LRRIQ1: variants seen among roughly 807,000 people sequenced by gnomAD.
LRRIQ1 encodes the protein leucine rich repeats and IQ motif containing 1, also known as leucine-rich repeat- and IQ domain-containing protein 1.
LRRIQ1 carries 210 observed loss-of-function variants against 211.9 expected under a neutral mutation model. That is an observed-to-expected ratio of 0.99 (90% CI 0.89 to 1.11). The LOEUF is 1.11. Ranked by LOEUF, LRRIQ1 falls within the 50% of genes most tolerant of loss-of-function variation. The pLI is 0.00. For missense variants in LRRIQ1, 2,136 were observed against 1,939.5 expected (o/e 1.10, Z -1.90); for synonymous variants, 699 against 650.1 (o/e 1.08, Z -1.14).
At chr12:85,160,994 C>G (rs918685097) in intron 24 of LRRIQ1, among the ~76,000 whole-genome samples, 1 of 151,906 alleles carries the variant, frequency 6.6e-6, no homozygotes, top group African/African-American at 2.4e-5. Flanking sequence ...TCATCAGTGA[C>G]ATTAATGTTA....
At chr12:85,189,101 A>T (rs1340494949) in intron 24 of LRRIQ1, among the ~76,000 whole-genome samples, 1 of 152,096 alleles carries the variant, frequency 6.6e-6, no homozygotes, top group African/African-American at 2.4e-5. Context: ...AAAATCCCAG[A>T]AAAAAACATA....
intron 26 of LRRIQ1, among the ~76,000 whole-genome samples, chr12:85,236,733 G>T (rs1264836191): frequency 1.3e-5 from 2 of 148,154 alleles, no homozygotes; most frequent in Non-Finnish European, 3.0e-5. Flanking sequence ...CATATTTTTG[G>T]ATACATATAT....
chr12:85,243,569 C>T (rs1895569290), intron 26 of LRRIQ1, among the ~76,000 whole-genome samples: 1 of 150,776 alleles, frequency 6.6e-6, no homozygotes, highest in Non-Finnish European at 1.5e-5. Context: ...GTATGTGAGG[C>T]AATACATATG....
At chr12:85,138,267 T>C (rs7309648) in intron 19 of LRRIQ1, among the ~76,000 whole-genome samples, 36,232 of 151,392 alleles carry the variant, frequency 0.24, 4,924 homozygotes, top group African/African-American at 0.34. Context: ...CTTATCAAAT[T>C]TGTGAGTAGT....
intron 19 of LRRIQ1, among the ~76,000 whole-genome samples, chr12:85,138,552 G>A (rs747121358): frequency 3.3e-5 from 5 of 151,438 alleles, no homozygotes; most frequent in African/African-American, 4.8e-5. Context: ...ATGTATCACT[G>A]CAGGAAGGTG....
intron 18 of LRRIQ1, among the ~76,000 whole-genome samples, chr12:85,132,309 A>G (rs1224482779): frequency 6.6e-6 from 1 of 152,008 alleles, no homozygotes; most frequent in Non-Finnish European, 1.5e-5. Context: ...CAAGAGAAAG[A>G]GAGCATGTTT....
chr12:85,090,602 A>C (rs774219223), intron 11 of LRRIQ1, among the ~76,000 whole-genome samples: 2 of 152,198 alleles, frequency 1.3e-5, no homozygotes, highest in Admixed American at 6.5e-5. Flanking sequence ...TTGAATTTGC[A>C]TGGGGATTGT....
intron 26 of LRRIQ1, among the ~76,000 whole-genome samples, chr12:85,243,305 G>A (rs1895549067): frequency 1.6e-5 from 2 of 128,926 alleles, no homozygotes; most frequent in South Asian, 5.0e-4. Context: ...CAAAAATAAT[G>A]TATAACTTTT....
chr12:85,115,343 A>G (rs1407374738), intron 15 of LRRIQ1, among the ~76,000 whole-genome samples: 1 of 152,190 alleles, frequency 6.6e-6, no homozygotes, highest in African/African-American at 2.4e-5. Context: ...AGTTCTGAGG[A>G]TTGTTCTTTA....
chr12:85,078,850 G>A (rs115212792), intron 11 of LRRIQ1, among the ~76,000 whole-genome samples: 19 of 152,098 alleles, frequency 1.2e-4, no homozygotes, highest in East Asian at 3.9e-4. Flanking sequence ...ATTTTTTTAC[G>A]TTTTATTAAT....
chr12:85,074,038 T>G (rs1883374153), intron 11 of LRRIQ1, among the ~76,000 whole-genome samples: 1 of 152,070 alleles, frequency 6.6e-6, no homozygotes, highest in Non-Finnish European at 1.5e-5. Context: ...AAGTTTAATT[T>G]GTTTCTAATT....
At chr12:85,101,011 C>G (rs1886307046) in intron 13 of LRRIQ1, among the ~76,000 whole-genome samples, 1 of 151,722 alleles carries the variant, frequency 6.6e-6, no homozygotes, top group Non-Finnish European at 1.5e-5. Flanking sequence ...TTGAGCAATT[C>G]TGCTCTCTGA....
intron 18 of LRRIQ1, among the ~76,000 whole-genome samples, chr12:85,135,356 T>C (rs1408198796): frequency 6.6e-6 from 1 of 151,828 alleles, no homozygotes; most frequent in Non-Finnish European, 1.5e-5. Flanking sequence ...GGTGGTTGTA[T>C]TACAAAAATG....
At chr12:85,119,091 A>G (rs1887793163) in intron 15 of LRRIQ1, among the ~76,000 whole-genome samples, 1 of 152,164 alleles carries the variant, frequency 6.6e-6, no homozygotes, top group South Asian at 2.1e-4. Flanking sequence ...TGACAAACGT[A>G]TAATTACATG....
intron 26 of LRRIQ1, among the ~76,000 whole-genome samples, chr12:85,238,730 A>G (rs1895317010): frequency 6.6e-6 from 1 of 152,118 alleles, no homozygotes; most frequent in Non-Finnish European, 1.5e-5. Context: ...TTAGGACTAG[A>G]AGACACTTTC....
At chr12:85,242,125 T>C (rs1895490577) in intron 26 of LRRIQ1, among the ~76,000 whole-genome samples, 1 of 152,054 alleles carries the variant, frequency 6.6e-6, no homozygotes, top group South Asian at 2.1e-4. Flanking sequence ...TGCCATTATG[T>C]TGTATGTGAG....
chr12:85,204,538 G>A (rs1893449307), intron 24 of LRRIQ1, among the ~76,000 whole-genome samples: 1 of 152,222 alleles, frequency 6.6e-6, no homozygotes, highest in African/African-American at 2.4e-5. Context: ...CAAGGGTGGA[G>A]CTGCCCACGA....
intron 20 of LRRIQ1, 73 bp from the exon 21 acceptor site, chr12:85,152,951 A>G: frequency 9.2e-7 from 1 of 1,086,236 alleles, no homozygotes; most frequent in Non-Finnish European, 1.3e-6. Context: ...GGTAATATGC[A>G]TGTAAAATAA....
intron 24 of LRRIQ1, among the ~76,000 whole-genome samples, chr12:85,171,930 G>A (rs1891439145): frequency 6.6e-6 from 1 of 152,172 alleles, no homozygotes; most frequent in Non-Finnish European, 1.5e-5. Flanking sequence ...CCAGTCTGTA[G>A]TATTTTGTTA....
Sources: allele counts gnomAD v4.1 joint callset (sites outside exome capture counted in the v4.1 genomes callset), GRCh38; gene constraint gnomAD v4.1.1; transcripts MANE v1.5; gene names NCBI Gene and HGNC (gene_info 2026-07-23, HGNC 2026-07-21).